EP400: variants seen among roughly 807,000 people sequenced by gnomAD.
EP400 encodes the protein E1A-binding protein p400.
In EP400, 105 loss-of-function variants were observed where a neutral mutation model predicts 354.1. That is an observed-to-expected ratio of 0.30 (90% CI 0.25 to 0.35). EP400 has a LOEUF of 0.35. EP400 is among the 10% of genes least tolerant of loss of function. The pLI, the probability that EP400 is intolerant of heterozygous loss-of-function variation, is 1.00. For missense variants in EP400, 3,280 were observed against 4,121.0 expected (o/e 0.80, Z 5.59); for synonymous variants, 1,646 against 1,716.9 (o/e 0.96, Z 1.02).
At chr12:131,978,860 AT>A (rs1197445752) in intron 2 of EP400, among the ~76,000 whole-genome samples, 2 of 152,168 alleles carry the variant, frequency 1.3e-5, no homozygotes, top group Admixed American at 6.5e-5. Context: ...GTCTATTTAT[AT>A]CTCTATATAT....
chr12:131,988,998 C>T (rs943145098), intron 7 of EP400, among the ~76,000 whole-genome samples: 5 of 152,214 alleles, frequency 3.3e-5, no homozygotes, highest in Admixed American at 2.6e-4. Flanking sequence ...CAGAAAAACC[C>T]AGATTCTTCC....
intron 1 of EP400, among the ~76,000 whole-genome samples, chr12:131,950,599 CCTT>C (rs139394203): frequency 0.014 from 2,186 of 152,294 alleles, 44 homozygotes; most frequent in African/African-American, 0.047. Context: ...CGAATCCGCT[CCTT>C]CTCGGCGTAG....
intron 12 of EP400, among the ~76,000 whole-genome samples, chr12:132,002,409 T>G (rs1267217864): frequency 6.6e-6 from 1 of 152,198 alleles, no homozygotes; most frequent in Non-Finnish European, 1.5e-5. Flanking sequence ...GCTATCTGAT[T>G]ATGGTGCGCA....
chr12:132,077,884 G>T lies in EP400; in HGVS notation c.*211G>T. ...AGTGCCGCGTTCTCTGTACTACGTG[G>T]CTCATGGAAAAAGTGACAACATGGC... On this transcript the variant is annotated 3_prime_UTR_variant, in exon 53 of 53. Coordinates refer to ENST00000389561, the MANE Select transcript of EP400 (RefSeq NM_015409.5). The T allele has an allele frequency of 1.5e-6, 1 of 655,472 alleles. No homozygotes were observed. The highest frequency in any genetic ancestry group is 2.5e-6 in the Non-Finnish European group (1 of 405,430). 40.6% of individuals were successfully genotyped at this position (655,472 alleles called of 1,614,324 possible). A position where few individuals can be genotyped will look rare whatever the true frequency, so the allele number is the denominator to read the frequency against.
rs778924317 is a variant in EP400 at position 132,045,570 on chromosome 12, C to T, written c.7026+10C>T. On this transcript the variant is annotated intron_variant, in intron 38 of 52. Coordinates refer to ENST00000389561, the MANE Select transcript of EP400 (RefSeq NM_015409.5). ...CTGGGCGCTGCTGCAGGTAGGTGGG[C>T]GTGGTCTTTGTGCCAGCGGTCATGT... 9 of 1,613,242 alleles carry T rather than the reference C, an allele frequency of 5.6e-6. No individual in the cohort carries two copies. The highest frequency in any genetic ancestry group is 4.5e-5 in the East Asian group (2 of 44,850).
chr12:132,005,244 A>G, intron 13 of EP400, 60 bp downstream of exon 13: 1 of 1,254,102 alleles, frequency 8.0e-7, no homozygotes, highest in Non-Finnish European at 1.1e-6. Context: ...GTACTTACAA[A>G]GACTTAAAAT....
intron 15 of EP400, among the ~76,000 whole-genome samples, chr12:132,007,970 G>A (rs1196733576): frequency 6.6e-6 from 1 of 151,528 alleles, no homozygotes; most frequent in Non-Finnish European, 1.5e-5. Flanking sequence ...TTTTTGAGAT[G>A]GAGTTTCACT....
At chr12:132,020,254 G>A in intron 22 of EP400, 36 bp downstream of exon 22, 1 of 1,539,274 alleles carries the variant, frequency 6.5e-7, no homozygotes. Context: ...TCCGCCTTAT[G>A]GAGGTTTTTG....
intron 30 of EP400, among the ~76,000 whole-genome samples, chr12:132,033,623 C>A (rs891417771): frequency 2.0e-5 from 3 of 152,000 alleles, no homozygotes; most frequent in Non-Finnish European, 4.4e-5. Context: ...CTTCTATCTC[C>A]TAGGCTCAGG....
chr12:131,956,846 T>G (rs973208213), intron 1 of EP400, among the ~76,000 whole-genome samples: 2 of 151,182 alleles, frequency 1.3e-5, no homozygotes, highest in African/African-American at 2.4e-5. Context: ...CATGCTTTTC[T>G]CCTTTTGTGA....
At position 132,078,581 on chromosome 12, in the gene EP400, T is replaced by C. The variant is rs900734767; in HGVS notation, c.*908T>C. 3 of 152,314 alleles carry C rather than the reference T, an allele frequency of 2.0e-5. No individual in the cohort carries two copies. 9.4% of individuals were successfully genotyped at this position (152,314 alleles called of 1,614,324 possible). On this transcript the variant is annotated 3_prime_UTR_variant, in exon 53 of 53. Transcript: ENST00000389561. The stretch of plus-strand genomic sequence containing the variant: ...CACGCAGAGGCAATGGTAGTACAGA[T>C]GTCACAGCTGAGGGTACGATGAGGC...
chr12:132,010,832 C>T (rs1893739852), intron 15 of EP400, among the ~76,000 whole-genome samples: 1 of 152,166 alleles, frequency 6.6e-6, no homozygotes, highest in African/African-American at 2.4e-5. Context: ...ATCCCAGCTA[C>T]ACAGGAGGCT....
chr12:131,983,240 A>G (rs543038335), intron 5 of EP400, among the ~76,000 whole-genome samples: 65 of 152,264 alleles, frequency 4.3e-4, no homozygotes, highest in African/African-American at 1.5e-3. Flanking sequence ...GTGCAAAACC[A>G]TGTTGGACAC....
Position 132,018,319 on chromosome 12 carries a change from T to G in EP400, c.4220T>G (p.Ile1407Ser). Residue 1407 changes from isoleucine (I) to serine (S), a missense_variant, in exon 21 of 53, where the codon ATC (isoleucine) becomes AGC (serine). Coordinates refer to ENST00000389561, the MANE Select transcript of EP400 (RefSeq NM_015409.5). This position sits in a 1 kb window ranked among gnomAD's most constrained non-coding sequence, Gnocchi z 4.0. The stretch of plus-strand genomic sequence containing the variant: ...ATACCGCGGAAACTCATGGAGGAAA[T>G]CTCCACTTCAGCAGCCCCAGCAGCC... The part of the protein sequence containing the change: ...KKIPRKLMEE[I>S]STSAAPAARP... 6.2e-7 allele frequency: 1 copy of G among 1,612,768 alleles called. No homozygotes were observed. The highest frequency in any genetic ancestry group is 8.5e-7 in the Non-Finnish European group (1 of 1,179,670).
Position 131,961,854 on chromosome 12 carries a change from C to T in EP400, c.1235C>T (p.Ala412Val). Residue 412 changes from alanine to valine, a missense_variant, in exon 2 of 53, where the codon GCC becomes GTC. By Grantham distance (64) the Ala-to-Val change is moderately conservative (BLOSUM62 0). Coordinates refer to ENST00000389561, the MANE Select transcript of EP400 (RefSeq NM_015409.5). ...TTAGCTTTCAAGAAGAAACATTATG[C>T]CCCATTACAAGCATATCTTAGGCAG... ...DFLAFKKKHY[A>V]PLQAYLRQND... 1 of 1,614,004 alleles carries T rather than the reference C, an allele frequency of 6.2e-7. No individual in the cohort carries two copies. The highest frequency in any genetic ancestry group is 8.5e-7 in the Non-Finnish European group (1 of 1,180,030).
At chr12:132,074,591 G>C (rs759644863) in intron 51 of EP400, among the ~76,000 whole-genome samples, 3 of 152,182 alleles carry the variant, frequency 2.0e-5, no homozygotes, top group African/African-American at 7.2e-5. Context: ...AGCAGCCACT[G>C]TTTGTTTACG....
chr12:132,037,532 C>T (rs915312359), intron 30 of EP400, 150 bp from the exon 31 acceptor site: 5 of 648,862 alleles, frequency 7.7e-6, no homozygotes, highest in African/African-American at 3.6e-5. Context: ...TGGCTGAGAG[C>T]GGCCTTTGGT....
intron 34 of EP400, 131 bp downstream of exon 34, chr12:132,043,859 T>A: frequency 1.1e-6 from 1 of 889,124 alleles, no homozygotes; most frequent in Non-Finnish European, 1.7e-6. Context: ...GAAATGAACT[T>A]AAAATGAAGA....
At chr12:131,950,286 C>T (rs1891418554) in intron 1 of EP400, among the ~76,000 whole-genome samples, 1 of 152,108 alleles carries the variant, frequency 6.6e-6, no homozygotes, top group Non-Finnish European at 1.5e-5. Flanking sequence ...GATCCGCGCC[C>T]ATTTCTCGTG....
Sources: allele counts gnomAD v4.1 joint callset (sites outside exome capture counted in the v4.1 genomes callset), GRCh38; gene constraint gnomAD v4.1.1; non-coding constraint Gnocchi (gnomAD v3.1); transcripts MANE v1.5; gene names NCBI Gene and HGNC (gene_info 2026-07-23, HGNC 2026-07-21).